The following SHTN1 variants were observed in gnomAD, a reference collection of about 807,000 sequenced individuals.
SHTN1 encodes shootin 1.
Under a neutral mutation model 83.1 loss-of-function variants are expected in SHTN1, and 42 were observed. That is an observed-to-expected ratio of 0.51 (90% CI 0.39 to 0.65). SHTN1 has a LOEUF of 0.65. SHTN1 is among the 30% of genes least tolerant of loss of function. The pLI is 0.00. For synonymous variants in SHTN1, 224 were observed against 247.7 expected (o/e 0.90, Z 0.90); for missense variants, 622 against 737.8 (o/e 0.84, Z 1.82).
intron 1 of SHTN1, among the ~76,000 whole-genome samples, chr10:117,117,358 G>A (rs1853863945): frequency 2.0e-5 from 3 of 152,190 alleles, no homozygotes; most frequent in African/African-American, 4.8e-5. Flanking sequence ...ACAAAGAAGT[G>A]AAAGATCTAT....
At chr10:116,957,256 C>CTTT (rs374905540) in intron 4 of SHTN1, among the ~76,000 whole-genome samples, 21 of 135,140 alleles carry the variant, frequency 1.6e-4, no homozygotes, top group African/African-American at 4.9e-4. Flanking sequence ...TATCTTTTTA[C>CTTT]TTTTTTTTTT....
intron 1 of SHTN1, among the ~76,000 whole-genome samples, chr10:117,085,086 C>T (rs1196827344): frequency 2.0e-5 from 3 of 152,166 alleles, no homozygotes; most frequent in Admixed American, 1.3e-4. Context: ...TTTTAATAAA[C>T]TTCAAGAAAA....
chr10:117,035,250 A>G (rs1852477423), intron 2 of SHTN1, among the ~76,000 whole-genome samples: 1 of 152,240 alleles, frequency 6.6e-6, no homozygotes. Context: ...CAGTCTCTTC[A>G]ATAAATGGTA....
chr10:117,017,885 C>T (rs75002336), intron 2 of SHTN1, among the ~76,000 whole-genome samples: 2,523 of 152,178 alleles, frequency 0.017, 42 homozygotes, highest in African/African-American at 0.041. Context: ...ACCTCTCTTC[C>T]GTGGTATTTT....
chr10:116,958,331 A>G (rs543853311), intron 4 of SHTN1, among the ~76,000 whole-genome samples: 5 of 152,314 alleles, frequency 3.3e-5, no homozygotes, highest in African/African-American at 1.2e-4. Flanking sequence ...ATTTGATTTA[A>G]TCCATTTTTT....
chr10:117,103,411 G>T (rs1853624656), intron 1 of SHTN1, among the ~76,000 whole-genome samples: 1 of 151,486 alleles, frequency 6.6e-6, no homozygotes, highest in Non-Finnish European at 1.5e-5. Context: ...TTTTTTACCT[G>T]ACAGAAACAG....
At chr10:116,891,528 T>C (rs1396008146) in intron 16 of SHTN1, among the ~76,000 whole-genome samples, 1 of 152,210 alleles carries the variant, frequency 6.6e-6, no homozygotes, top group African/African-American at 2.4e-5. Context: ...AGATTTAAAT[T>C]TGTCTTTATA....
chr10:116,953,028 T>C (rs1460794751), intron 5 of SHTN1, among the ~76,000 whole-genome samples: 1 of 152,154 alleles, frequency 6.6e-6, no homozygotes, highest in South Asian at 2.1e-4. Context: ...GAATTCTATT[T>C]TGTGTTAGCT....
At chr10:116,907,236 C>T (rs1341608019) in intron 14 of SHTN1, among the ~76,000 whole-genome samples, 2 of 152,130 alleles carry the variant, frequency 1.3e-5, no homozygotes, top group African/African-American at 4.8e-5. Flanking sequence ...GGCGTCGTAG[C>T]TGTCAAAGGA....
chr10:117,071,704 A>G lies in SHTN1; in HGVS notation c.-188-23194T>C, dbSNP rs543924225. Among the ~76,000 whole-genome samples the G allele has an allele frequency of 5.5e-4, 84 of 152,202 alleles. 2 individuals carry two copies. The South Asian group carries it at 0.017, about 30-fold the overall frequency. On this transcript the variant is annotated intron_variant, in intron 1 of 17. Transcript: ENST00000392901. ...AGCCACTTGCTCTGCTTATTATAACAGTCTACTAGGCTGCCAGAAAACTGT... is the reference window on the plus strand; with the variant it reads ...AGCCACTTGCTCTGCTTATTATAACGGTCTACTAGGCTGCCAGAAAACTGT...
At chr10:117,023,160 C>T (rs1424763259) in intron 2 of SHTN1, among the ~76,000 whole-genome samples, 1 of 152,164 alleles carries the variant, frequency 6.6e-6, no homozygotes, top group Non-Finnish European at 1.5e-5. Flanking sequence ...GTCTTTTGGT[C>T]AAGTTTCTTT....
At chr10:116,924,483 G>C (rs1470159432) in intron 11 of SHTN1, among the ~76,000 whole-genome samples, 2 of 152,120 alleles carry the variant, frequency 1.3e-5, no homozygotes, top group Non-Finnish European at 2.9e-5. Flanking sequence ...TTAGCTTAAA[G>C]GACTCTGAGT....
chr10:117,079,659 TAA>T (rs1414578103), intron 1 of SHTN1, among the ~76,000 whole-genome samples: 1 of 23,508 alleles, frequency 4.3e-5, no homozygotes, highest in African/African-American at 1.7e-4. Flanking sequence ...ACCAACAGTG[TAA>T]AAGTGTTCCT....
chr10:116,995,012 C>T (rs1304782793), intron 1 of SHTN1, among the ~76,000 whole-genome samples: 1 of 152,070 alleles, frequency 6.6e-6, no homozygotes, highest in Non-Finnish European at 1.5e-5. Flanking sequence ...ATCTAACATG[C>T]TACCTGTCAT....
intron 7 of SHTN1, among the ~76,000 whole-genome samples, chr10:116,945,407 T>C (rs1364827846): frequency 6.6e-6 from 1 of 152,222 alleles, no homozygotes; most frequent in Non-Finnish European, 1.5e-5. Context: ...AATTATATTG[T>C]AGAAGCATAC....
At chr10:117,050,339 AAC>A (rs1304118001) in intron 1 of SHTN1, among the ~76,000 whole-genome samples, 1 of 152,218 alleles carries the variant, frequency 6.6e-6, no homozygotes. Context: ...TTAAAATTAT[AAC>A]AGTTTAAACA....
intron 13 of SHTN1, among the ~76,000 whole-genome samples, chr10:116,914,912 C>T (rs984462169): frequency 2.0e-5 from 3 of 152,068 alleles, no homozygotes; most frequent in Admixed American, 1.3e-4. Flanking sequence ...CCAGAGTTGT[C>T]CTAGTTTTGT....
Position 116,906,170 on chromosome 10 carries a change from G to C in SHTN1, c.1480+457C>G, listed in dbSNP as rs558575206. On this transcript the variant is annotated intron_variant, in intron 15 of 16. Transcript: ENST00000355371. ...TTTTCACTTACTGACTTAATCTTTAGAATTATCCTATGAAGCAGTGCTTTT... is the reference window on the plus strand; with the variant it reads ...TTTTCACTTACTGACTTAATCTTTACAATTATCCTATGAAGCAGTGCTTTT... Among the ~76,000 whole-genome samples, 3 of 152,342 alleles carry C rather than the reference G, an allele frequency of 2.0e-5. No individual in the cohort carries two copies. The East Asian group carries it at 5.8e-4, about 29-fold the overall frequency.
intron 1 of SHTN1, 52 bp downstream of exon 1, chr10:117,004,970 T>A: frequency 6.5e-7 from 1 of 1,531,336 alleles, no homozygotes; most frequent in Non-Finnish European, 8.9e-7. Flanking sequence ...CCTGGGGCCG[T>A]CCCCGCCCAC....
Sources: gnomAD v4.1 joint callset for allele counts (sites outside exome capture counted in the v4.1 genomes callset) on GRCh38, gnomAD v4.1.1 for gene constraint, MANE v1.5 for transcripts, NCBI Gene and HGNC (gene_info 2026-07-23, HGNC 2026-07-21) for gene names.